Variants in IGF1R observed in about 807,000 individuals in gnomAD.
IGF1R encodes insulin like growth factor 1 receptor.
Under a neutral mutation model 144.6 loss-of-function variants are expected in IGF1R, and 44 were observed. The ratio of observed to expected loss-of-function variants is 0.30; its 90% CI spans 0.24 to 0.39. The LOEUF (loss-of-function observed/expected upper bound fraction) is 0.39, where lower values mean the gene tolerates loss of function less well. IGF1R is among the 10% of genes least tolerant of loss of function. The probability of loss-of-function intolerance (pLI) is 1.00; values close to 1 mark genes in which losing one functional copy is unlikely to be tolerated. For synonymous variants in IGF1R, 795 were observed against 722.8 expected, an observed-to-expected ratio of 1.10 and a Z score of -1.60; for missense variants, 1,355 against 1,833.7, an observed-to-expected ratio of 0.74 and a Z score of 4.77.
chr15:98,925,287 G>A (rs984532782), intron 13 of IGF1R, among the ~76,000 whole-genome samples: 9 of 152,208 alleles, frequency 5.9e-5, no homozygotes, highest in African/African-American at 2.2e-4. Context: ...TCATTAACAA[G>A]ACAGAATTCT....
chr15:98,955,736 CA>C (rs2151735977), intron 20 of IGF1R, among the ~76,000 whole-genome samples: 1 of 152,316 alleles, frequency 6.6e-6, no homozygotes, highest in South Asian at 2.1e-4. Context: ...TCTCTTACAT[CA>C]GGGGCCTCCC....
chr15:98,778,152 C>T (rs539378342), intron 2 of IGF1R, among the ~76,000 whole-genome samples: 18 of 152,178 alleles, frequency 1.2e-4, no homozygotes, highest in South Asian at 6.2e-4. Flanking sequence ...GTGGACAGAA[C>T]GGCGATGTAT....
At chr15:98,936,848 G>A (rs1417488197) in intron 17 of IGF1R, among the ~76,000 whole-genome samples, 1 of 151,930 alleles carries the variant, frequency 6.6e-6, no homozygotes, top group Non-Finnish European at 1.5e-5. Context: ...CCTCTTCCTG[G>A]TTCACTCACT....
rs2017228863 is a variant in IGF1R, at chr15:98,961,589, A to C, written c.*4147A>C. 1 of 233,712 alleles carries C rather than the reference A, an allele frequency of 4.3e-6. No individual in the cohort carries two copies. The highest frequency in any genetic ancestry group is 8.5e-6 in the Non-Finnish European group (1 of 118,052). The allele number at this position is 233,712 out of a possible 1,614,324, so 14.5% of individuals were successfully genotyped here. On this transcript the variant is annotated 3_prime_UTR_variant, in exon 21 of 21. Coordinates refer to ENST00000650285, the MANE Select transcript of IGF1R (RefSeq NM_000875.5). ...AGCTGAGTTGTGGCATTTTCCATGC[A>C]ACCTCCTTCTGCCAGCAGCTCACAC...
chr15:98,934,701 C>T, intron 15 of IGF1R, 123 bp from the exon 16 acceptor site: 1 of 816,482 alleles, frequency 1.2e-6, no homozygotes. Flanking sequence ...GCCATCGCCT[C>T]CTGGTATTCT....
chr15:98,785,081 T>G (rs949539252), intron 2 of IGF1R, among the ~76,000 whole-genome samples: 1 of 152,248 alleles, frequency 6.6e-6, no homozygotes, highest in African/African-American at 2.4e-5. Context: ...GGGAAATAGT[T>G]GCTAGTAGTT....
chr15:98,698,018 AGCC>A (rs2053636555), intron 1 of IGF1R, among the ~76,000 whole-genome samples: 1 of 140,914 alleles, frequency 7.1e-6, no homozygotes, highest in African/African-American at 2.7e-5. Flanking sequence ...TACAGGCGTG[AGCC>A]GCCGCGCCTG....
intron 2 of IGF1R, among the ~76,000 whole-genome samples, chr15:98,827,308 T>C (rs2056912259): frequency 6.6e-6 from 1 of 152,246 alleles, no homozygotes; most frequent in Non-Finnish European, 1.5e-5. Context: ...TTCTGCACTA[T>C]GCCCTGTAAC....
rs2151747439 is a variant in IGF1R, at chr15:98,962,783, G to A, written c.*5341G>A. ...CATCGAGGCTCAGCAGTCATCCGTG[G>A]GCATTTGGTTTCAACAAAGAAACCT... is the stretch of plus-strand genomic sequence containing the variant. On this transcript the variant is annotated 3_prime_UTR_variant, in exon 21 of 21. Coordinates refer to ENST00000650285, the MANE Select transcript of IGF1R (RefSeq NM_000875.5). 4.3e-6 allele frequency: 1 copy of A among 233,556 alleles called. No homozygotes were observed. The highest frequency in any genetic ancestry group is 1.8e-4 in the South Asian group (1 of 5,524). 14.5% of individuals were successfully genotyped at this position (233,556 alleles called of 1,614,324 possible).
intron 2 of IGF1R, among the ~76,000 whole-genome samples, chr15:98,878,686 A>AAAAAAAAAAC (rs2013197132): frequency 7.0e-6 from 1 of 142,854 alleles, no homozygotes; most frequent in African/African-American, 2.8e-5. Context: ...AAAAAAAAAA[A>AAAAAAAAAAC]AAAAAAAAAC....
At chr15:98,803,595 G>A (rs984743237) in intron 2 of IGF1R, among the ~76,000 whole-genome samples, 4 of 151,818 alleles carry the variant, frequency 2.6e-5, no homozygotes, top group South Asian at 2.1e-4. Flanking sequence ...AGCCTCGACC[G>A]CCAAGGCTCA....
chr15:98,660,215 T>G (rs970483884), intron 1 of IGF1R: 2 of 152,244 alleles, frequency 1.3e-5, no homozygotes, highest in Admixed American at 6.5e-5. Context: ...CATTCGTGTC[T>G]CTTTGTCTTG....
intron 2 of IGF1R, among the ~76,000 whole-genome samples, chr15:98,851,909 A>G (rs62023609): frequency 0.34 from 51,066 of 152,194 alleles, 10,239 homozygotes; most frequent in East Asian, 0.51. Context: ...CTTGCAAGGA[A>G]AGGGACTAAC....
chr15:98,713,260 G>C (rs753488605), intron 2 of IGF1R, among the ~76,000 whole-genome samples: 43 of 152,124 alleles, frequency 2.8e-4, no homozygotes, highest in Admixed American at 7.2e-4. Context: ...ACTGTATGCT[G>C]TCACCCCAAG....
chr15:98,891,718 T>C lies in IGF1R; in HGVS notation c.953+81T>C. The C allele has an allele frequency of 4.2e-6, 6 of 1,413,854 alleles. No individual in the cohort carries two copies. The South Asian group carries it at 7.2e-5, about 17-fold the overall frequency. 87.6% of individuals were successfully genotyped at this position (1,413,854 alleles called of 1,614,324 possible). A position where few individuals can be genotyped will look rare whatever the true frequency, so the allele number is the denominator to read the frequency against. On this transcript the variant is annotated intron_variant, in intron 3 of 20. Transcript: ENST00000650285. The surrounding 1 kb of genome is among the most constrained non-coding windows in gnomAD (Gnocchi z 4.7). ...GCACACAAAGGTAGACTCTGTCGGT[T>C]GTTTCATCCGGGTGCAGCCCTCAGG... is the stretch of plus-strand genomic sequence containing the variant.
chr15:98,864,942 G>C lies in IGF1R; in HGVS notation c.641-26383G>C, dbSNP rs1397396293. On this transcript the variant is annotated intron_variant, in intron 2 of 20. Transcript: ENST00000650285. ...GCGTGCAAGCTATACTAAGCTTCCT[G>C]TGGCCCTCGTTTTTCCTCACTGATA... is the stretch of plus-strand genomic sequence containing the variant. Among the ~76,000 whole-genome samples, 5 of 152,246 alleles carry C rather than the reference G, an allele frequency of 3.3e-5. No individual in the cohort carries two copies. In the South Asian group the frequency reaches 8.3e-4, roughly 25 times the overall value.
rs1030057900 is a variant in IGF1R at position 98,957,657 on chromosome 15, C to T, written c.*215C>T. 1.6e-6 allele frequency: 1 copy of T among 621,080 alleles called. No homozygotes were observed. Among genetic ancestry groups the T allele is most frequent in the East Asian group, 2.8e-5 (1 of 36,202 alleles). 38.5% of individuals were successfully genotyped at this position (621,080 alleles called of 1,614,324 possible). A position where few individuals can be genotyped will look rare whatever the true frequency, so the allele number is the denominator to read the frequency against. The stretch of plus-strand genomic sequence containing the variant: ...TGCAAGCAGCTTTTTATTCCCTGCC[C>T]AAACCCTTAACTGACATGGGCCTTT... On this transcript the variant is annotated 3_prime_UTR_variant, in exon 21 of 21. Transcript: ENST00000650285.
At position 98,961,149 on chromosome 15, in the gene IGF1R, A is replaced by G. The variant is rs933134646; in HGVS notation, c.*3707A>G. The G allele has an allele frequency of 2.1e-5, 5 of 233,430 alleles. No individual in the cohort carries two copies. The highest frequency in any genetic ancestry group is 4.2e-5 in the Non-Finnish European group (5 of 117,948). The allele number at this position is 233,430 out of a possible 1,614,324, so 14.5% of individuals were successfully genotyped here. A position where few individuals can be genotyped will look rare whatever the true frequency, so the allele number is the denominator to read the frequency against. On this transcript the variant is annotated 3_prime_UTR_variant, in exon 21 of 21. Transcript: ENST00000650285. The stretch of plus-strand genomic sequence containing the variant: ...GACCCCGGGGATCTTAAGGTCATTG[A>G]GAAATACTGTTGGATCAGGGTTTTG...
intron 1 of IGF1R, among the ~76,000 whole-genome samples, chr15:98,673,691 A>G (rs1391011140): frequency 3.3e-5 from 5 of 152,160 alleles, no homozygotes; most frequent in Non-Finnish European, 7.4e-5. Context: ...AATGTTTCCA[A>G]TTTCTGCTGA....
Sources: gnomAD v4.1 joint callset for allele counts (sites outside exome capture counted in the v4.1 genomes callset) on GRCh38, gnomAD v4.1.1 for gene constraint, Gnocchi (gnomAD v3.1) non-coding constraint, MANE v1.5 for transcripts, NCBI Gene and HGNC (gene_info 2026-07-23, HGNC 2026-07-21) for gene names.